The following HACD1 variants were observed in gnomAD, a reference collection of about 807,000 sequenced individuals.
HACD1 encodes the protein very-long-chain (3R)-3-hydroxyacyl-CoA dehydratase 1.
HACD1 carries 41 observed loss-of-function variants against 32.0 expected under a neutral mutation model. That is an observed-to-expected ratio of 1.28 (90% CI 1.00 to 1.66). The LOEUF (loss-of-function observed/expected upper bound fraction) is 1.66. Ranked by LOEUF, HACD1 falls within the 40% of genes most tolerant of loss-of-function variation. The pLI, the probability that HACD1 is intolerant of heterozygous loss-of-function variation, is 0.00. For missense variants in HACD1, 396 were observed against 380.1 expected, an observed-to-expected ratio of 1.04 and a Z score of -0.35; for synonymous variants, 142 against 139.0, an observed-to-expected ratio of 1.02 and a Z score of -0.15.
At chr10:17,600,273 C>T (rs781976016) in intron 4 of HACD1, among the ~76,000 whole-genome samples, 26 of 152,202 alleles carry the variant, frequency 1.7e-4, no homozygotes, top group Non-Finnish European at 3.5e-4. Context: ...AGAAAACTGA[C>T]TCCAACCCTC....
intron 5 of HACD1, among the ~76,000 whole-genome samples, chr10:17,596,200 G>A (rs1382890666): frequency 6.6e-6 from 1 of 152,146 alleles, no homozygotes; most frequent in African/African-American, 2.4e-5. Flanking sequence ...TCAAGGATAT[G>A]CGAAGATAAG....
chr10:17,600,749 G>A (rs994944801), intron 4 of HACD1, among the ~76,000 whole-genome samples: 6 of 152,118 alleles, frequency 3.9e-5, no homozygotes, highest in Admixed American at 6.5e-5. Context: ...CTCCTTAAGG[G>A]AAGCCTTCTT....
chr10:17,598,887 A>G (rs1029254233), intron 5 of HACD1, among the ~76,000 whole-genome samples: 2 of 152,096 alleles, frequency 1.3e-5, no homozygotes, highest in Admixed American at 6.6e-5. Context: ...AACCAATCGC[A>G]TTGTGTAAAT....
chr10:17,608,741 C>A (rs368005036), intron 1 of HACD1, among the ~76,000 whole-genome samples: 2 of 152,122 alleles, frequency 1.3e-5, no homozygotes, highest in East Asian at 1.9e-4. Flanking sequence ...CCTGCCTCAG[C>A]CTCCCAAAGT....
intron 6 of HACD1, among the ~76,000 whole-genome samples, chr10:17,592,109 G>A (rs1459198948): frequency 1.3e-5 from 2 of 150,254 alleles, no homozygotes; most frequent in Non-Finnish European, 2.9e-5. Context: ...AGCCTCCTGA[G>A]TAGCTGGGAC....
At chr10:17,591,146 T>C (rs940190788) in intron 6 of HACD1, among the ~76,000 whole-genome samples, 21 of 152,148 alleles carry the variant, frequency 1.4e-4, no homozygotes, top group African/African-American at 5.1e-4. Context: ...TTCTACTGGC[T>C]GTATCCTGTA....
chr10:17,616,980 G>A (rs1036083389), intron 1 of HACD1, 103 bp downstream of exon 1: 6 of 1,146,354 alleles, frequency 5.2e-6, no homozygotes, highest in Admixed American at 4.6e-5. Flanking sequence ...GCCGCTGCCC[G>A]CACCCCCCGC....
At chr10:17,594,864 T>G (rs1158655734) in intron 5 of HACD1, among the ~76,000 whole-genome samples, 3 of 148,112 alleles carry the variant, frequency 2.0e-5, no homozygotes, top group African/African-American at 5.0e-5. Context: ...TTTTTTGTTT[T>G]TTGTTTTTTT....
chr10:17,601,515 G>C lies in HACD1; in HGVS notation c.483+2045C>G, dbSNP rs939380479. On this transcript the variant is annotated intron_variant, in intron 4 of 6. Transcript: ENST00000361271. ...TCTGGAGGATAAACGGGGCAGACGG[G>C]TCCTGTTTTATTTTTGGAACTCGCG... Among the ~76,000 whole-genome samples the C allele has an allele frequency of 1.4e-4, 21 of 152,276 alleles. No homozygotes were observed. The East Asian group carries it at 4.1e-3, about 29-fold the overall frequency.
intron 1 of HACD1, among the ~76,000 whole-genome samples, chr10:17,612,105 C>CAA (rs34058469): frequency 1.0e-3 from 107 of 104,522 alleles, no homozygotes; most frequent in East Asian, 4.0e-3. Context: ...AACTCCATCT[C>CAA]AAAAAAAAAA....
intron 1 of HACD1, among the ~76,000 whole-genome samples, chr10:17,609,355 G>C (rs543582382): frequency 6.6e-6 from 1 of 151,936 alleles, no homozygotes; most frequent in South Asian, 2.1e-4. Context: ...GGGTTTCACC[G>C]TGTTAGCCAG....
At chr10:17,606,496 C>T (rs573096498) in intron 1 of HACD1, among the ~76,000 whole-genome samples, 20 of 152,294 alleles carry the variant, frequency 1.3e-4, no homozygotes, top group Middle Eastern at 3.4e-3. Flanking sequence ...TTTAGATAGT[C>T]TCCAAAGAGT....
At chr10:17,614,846 G>T (rs1400408189) in intron 1 of HACD1, among the ~76,000 whole-genome samples, 1 of 152,038 alleles carries the variant, frequency 6.6e-6, no homozygotes, top group Non-Finnish European at 1.5e-5. Context: ...TCCCTCTCCC[G>T]GGTTCACGCC....
At chr10:17,602,021 G>C (rs782315569) in intron 4 of HACD1, among the ~76,000 whole-genome samples, 15 of 151,908 alleles carry the variant, frequency 9.9e-5, no homozygotes, top group Non-Finnish European at 1.6e-4. Flanking sequence ...TCTAAAGGCT[G>C]TCAAGAAGGT....
intron 1 of HACD1, among the ~76,000 whole-genome samples, chr10:17,606,284 C>T (rs1226169493): frequency 1.3e-5 from 2 of 152,210 alleles, no homozygotes; most frequent in South Asian, 2.1e-4. Context: ...AATAATCGTG[C>T]TTTAAATATA....
rs1352514226 is a variant in HACD1, at chr10:17,603,440, C to G, written c.483+120G>C. ...AATGCACAACATCTAAAACTCAAAC[C>G]CAACTCCTTTTTGTCCAACACTTCC... On this transcript the variant is annotated intron_variant, in intron 4 of 6. Coordinates refer to ENST00000361271, the MANE Select transcript of HACD1 (RefSeq NM_014241.4). 5.3e-6 allele frequency: 5 copies of G among 938,014 alleles called. No homozygotes were observed. In the Admixed American group the frequency reaches 1.1e-4, roughly 21 times the overall value. 58.1% of individuals were successfully genotyped at this position (938,014 alleles called of 1,614,324 possible).
intron 1 of HACD1, among the ~76,000 whole-genome samples, chr10:17,611,008 T>C (rs1426847902): frequency 2.0e-5 from 3 of 149,028 alleles, no homozygotes; most frequent in Non-Finnish European, 4.5e-5. Flanking sequence ...TCTTTTTTTT[T>C]TTTTTTTTTT....
chr10:17,614,718 A>T (rs1420060817), intron 1 of HACD1, among the ~76,000 whole-genome samples: 1 of 164 alleles, frequency 6.1e-3, no homozygotes, highest in Non-Finnish European at 0.016. Flanking sequence ...CAAAAGAAAA[A>T]AAAAGGAAAT....
At chr10:17,613,233 G>A (rs566557618) in intron 1 of HACD1, among the ~76,000 whole-genome samples, 2 of 151,764 alleles carry the variant, frequency 1.3e-5, no homozygotes, top group East Asian at 3.9e-4. Flanking sequence ...TCAGTCTCCT[G>A]AGTAGCTGGG....
Sources: allele counts gnomAD v4.1 joint callset (sites outside exome capture counted in the v4.1 genomes callset), GRCh38; gene constraint gnomAD v4.1.1; transcripts MANE v1.5; gene names NCBI Gene and HGNC (gene_info 2026-07-23, HGNC 2026-07-21).